ATP10A: variants seen among roughly 807,000 people sequenced by gnomAD.
ATP10A encodes the protein ATPase phospholipid transporting 10A (putative).
In ATP10A, 111 loss-of-function variants were observed where a neutral mutation model predicts 147.8. That is an observed-to-expected ratio of 0.75 (90% CI 0.64 to 0.88). ATP10A has a LOEUF of 0.88. Ranked by LOEUF, ATP10A falls within the 40% of genes least tolerant of loss-of-function variation. The pLI, the probability that ATP10A is intolerant of heterozygous loss-of-function variation, is 0.00. For missense variants in ATP10A, 1,927 were observed against 1,959.0 expected (o/e 0.98, Z 0.31); for synonymous variants, 875 against 841.6 (o/e 1.04, Z -0.69).
At chr15:25,710,771 G>T (rs1220501800) in intron 10 of ATP10A, 1 of 152,240 alleles carries the variant, frequency 6.6e-6, no homozygotes, top group African/African-American at 2.4e-5. Context: ...GTGGGCTACG[G>T]CCATCTCTCT....
At chr15:25,701,876 C>T in intron 13 of ATP10A, 40 bp downstream of exon 13, 13 of 1,546,728 alleles carry the variant, frequency 8.4e-6, no homozygotes, top group Non-Finnish European at 1.0e-5. Context: ...ACATGGACCA[C>T]CCCAGGGGAA....
chr15:25,789,670 T>C (rs540272342), intron 1 of ATP10A, among the ~76,000 whole-genome samples: 16 of 152,054 alleles, frequency 1.1e-4, no homozygotes, highest in Non-Finnish European at 2.4e-4. Flanking sequence ...AGATTTCATA[T>C]ACACTCATTA....
chr15:25,686,188 G>A (rs564412736), intron 16 of ATP10A, among the ~76,000 whole-genome samples: 4 of 152,220 alleles, frequency 2.6e-5, no homozygotes, highest in South Asian at 4.1e-4. Flanking sequence ...AAGACGCTCC[G>A]AAAAATGAAG....
At chr15:25,835,579 C>G (rs1318333866) in intron 1 of ATP10A, among the ~76,000 whole-genome samples, 2 of 152,094 alleles carry the variant, frequency 1.3e-5, no homozygotes, top group Non-Finnish European at 2.9e-5. Context: ...ACAAGGCCGG[C>G]CATAGGAAAC....
chr15:25,858,159 G>A (rs28392822), intron 1 of ATP10A, among the ~76,000 whole-genome samples: 12,606 of 152,208 alleles, frequency 0.083, 823 homozygotes, highest in South Asian at 0.2. Context: ...TTCCGCAAGC[G>A]TCCAGTGCCC....
intron 1 of ATP10A, among the ~76,000 whole-genome samples, chr15:25,853,623 T>TC (rs1252792681): frequency 2.0e-5 from 3 of 151,480 alleles, no homozygotes; most frequent in Non-Finnish European, 4.4e-5. Flanking sequence ...AAGGAAGTAC[T>TC]CCCCCCCAGA....
At chr15:25,737,385 A>G (rs1208402245) in intron 2 of ATP10A, among the ~76,000 whole-genome samples, 1 of 152,242 alleles carries the variant, frequency 6.6e-6, no homozygotes, top group Non-Finnish European at 1.5e-5. Flanking sequence ...TATTCTTGGC[A>G]GACGAGGAGG....
chr15:25,804,324 G>T (rs1321096858), intron 1 of ATP10A, among the ~76,000 whole-genome samples: 1 of 151,304 alleles, frequency 6.6e-6, no homozygotes, highest in Non-Finnish European at 1.5e-5. Context: ...ATTGTGCTTA[G>T]TGTGTGATAT....
intron 1 of ATP10A, among the ~76,000 whole-genome samples, chr15:25,788,983 G>C (rs896177361): frequency 6.6e-6 from 1 of 152,062 alleles, no homozygotes; most frequent in Non-Finnish European, 1.5e-5. Flanking sequence ...TTTGAGACAG[G>C]GTCTTGATCT....
At chr15:25,691,603 C>A (rs1282227374) in intron 15 of ATP10A, 112 bp downstream of exon 15, 3 of 1,099,096 alleles carry the variant, frequency 2.7e-6, no homozygotes, top group Admixed American at 1.7e-5. Context: ...AGGGCAAACC[C>A]TTTAGCCTCG....
intron 1 of ATP10A, among the ~76,000 whole-genome samples, chr15:25,846,300 C>T (rs576395577): frequency 8.9e-4 from 136 of 152,276 alleles, no homozygotes; most frequent in African/African-American, 3.2e-3. Context: ...GGTTAAATGG[C>T]TAATTTTATG....
At chr15:25,791,162 C>A (rs535176683) in intron 1 of ATP10A, among the ~76,000 whole-genome samples, 1 of 148,960 alleles carries the variant, frequency 6.7e-6, no homozygotes, top group Admixed American at 6.8e-5. Context: ...CTCACTGCAA[C>A]CTCCGGCTTC....
In ATP10A at chr15:25,819,857, A is replaced by T. The variant is rs534361103; in HGVS notation, c.450-38634T>A. Among the ~76,000 whole-genome samples, 3 of 152,330 alleles carry T rather than the reference A, an allele frequency of 2.0e-5. No homozygotes were observed. The South Asian group carries it at 6.2e-4, about 32-fold the overall frequency. ...CAGATACCACATATTCTCACTTATC[A>T]GTGGGAGCTAAATAACATGAACACA... is the stretch of plus-strand genomic sequence containing the variant. On this transcript the variant is annotated intron_variant, in intron 1 of 20. Transcript: ENST00000555815.
At chr15:25,690,720 A>G (rs1899980159) in intron 15 of ATP10A, among the ~76,000 whole-genome samples, 1 of 152,220 alleles carries the variant, frequency 6.6e-6, no homozygotes, top group African/African-American at 2.4e-5. Context: ...TTACTTAGCA[A>G]ATGTTTCTTG....
chr15:25,725,106 C>A (rs995239564), intron 5 of ATP10A, among the ~76,000 whole-genome samples: 1 of 152,116 alleles, frequency 6.6e-6, no homozygotes, highest in South Asian at 2.1e-4. Flanking sequence ...CCCCGTCTCC[C>A]GTCAGATCAG....
At chr15:25,673,268 C>T (rs1317657486), downstream of ATP10A, among the ~76,000 whole-genome samples, 3 of 152,124 alleles carry the variant, frequency 2.0e-5, no homozygotes, top group Non-Finnish European at 4.4e-5. Flanking sequence ...TGGGCAGGGG[C>T]GGAGGAGGCC....
intron 10 of ATP10A, chr15:25,709,494 A>C (rs1241162183): frequency 1.3e-5 from 2 of 152,228 alleles, no homozygotes; most frequent in African/African-American, 4.8e-5. Flanking sequence ...GTGCACTGGG[A>C]CGTGCGGTGG....
At chr15:25,783,527 T>G (rs990543609) in intron 1 of ATP10A, among the ~76,000 whole-genome samples, 7 of 152,062 alleles carry the variant, frequency 4.6e-5, no homozygotes, top group African/African-American at 1.7e-4. Flanking sequence ...TCGGCTGCCC[T>G]AGATGCTGAA....
At chr15:25,851,716 C>T (rs185725634) in intron 1 of ATP10A, among the ~76,000 whole-genome samples, 1 of 152,150 alleles carries the variant, frequency 6.6e-6, no homozygotes, top group East Asian at 1.9e-4. Flanking sequence ...TGTCCATTTC[C>T]TCATGGTACA....
Sources: allele counts gnomAD v4.1 joint callset (sites outside exome capture counted in the v4.1 genomes callset), GRCh38; gene constraint gnomAD v4.1.1; transcripts MANE v1.5; gene names NCBI Gene and HGNC (gene_info 2026-07-23, HGNC 2026-07-21).